CNTNAP3B: variants seen among roughly 807,000 people sequenced by gnomAD.
CNTNAP3B encodes contactin-associated protein-like 3B.
Under a neutral mutation model 108.9 loss-of-function variants are expected in CNTNAP3B, and 25 were observed. The ratio of observed to expected loss-of-function variants is 0.23; its 90% CI spans 0.17 to 0.32. CNTNAP3B has a LOEUF of 0.32. Ranked by LOEUF, CNTNAP3B falls within the 10% of genes least tolerant of loss-of-function variation. The pLI, the probability that CNTNAP3B is intolerant of heterozygous loss-of-function variation, is 1.00. For synonymous variants in CNTNAP3B, 103 were observed against 473.4 expected, an observed-to-expected ratio of 0.22 and a Z score of 10.16; for missense variants, 252 against 1,210.4, an observed-to-expected ratio of 0.21 and a Z score of 11.75.
intron 3 of CNTNAP3B, among the ~76,000 whole-genome samples, chr9:42,029,266 A>G (rs1446184994): frequency 1.9e-4 from 22 of 114,058 alleles, no homozygotes; most frequent in African/African-American, 6.9e-4. Context: ...GAGTAATTAA[A>G]CAAAAAAGTT....
intron 13 of CNTNAP3B, among the ~76,000 whole-genome samples, chr9:41,947,849 T>C (rs1300515388): frequency 1.3e-5 from 2 of 152,242 alleles, no homozygotes; most frequent in Non-Finnish European, 2.9e-5. Flanking sequence ...TCACTACAGA[T>C]GCTGGAGACA....
intron 12 of CNTNAP3B, among the ~76,000 whole-genome samples, chr9:41,960,535 T>G (rs1360906579): frequency 6.6e-6 from 1 of 152,258 alleles, no homozygotes; most frequent in Non-Finnish European, 1.5e-5. Context: ...AGATGTATTA[T>G]GAGGAGTGTA....
intron 1 of CNTNAP3B, among the ~76,000 whole-genome samples, chr9:42,106,341 A>T (rs1828089436): frequency 1.3e-5 from 1 of 79,522 alleles, no homozygotes; most frequent in Non-Finnish European, 2.5e-5. Context: ...ACAATGTCAC[A>T]TTTATACAGG....
chr9:41,930,007 T>A (rs879349391), intron 14 of CNTNAP3B, among the ~76,000 whole-genome samples: 2,722 of 151,248 alleles, frequency 0.018, no homozygotes, highest in Non-Finnish European at 0.024. Flanking sequence ...AATATCTAAG[T>A]GATTATTCTT....
In CNTNAP3B at chr9:41,894,348, G is replaced by A. The variant is rs1427310120; in HGVS notation, c.3746-238C>T. On this transcript the variant is annotated intron_variant, in intron 23 of 23. Transcript: ENST00000377561. ...TTGCTATGTTGCCCAGGCTGGTCTC[G>A]AACTCCTGGGCTAAAGTGATCCTCT... 5.4e-3 allele frequency among the ~76,000 whole-genome samples: 539 copies of A among 99,346 alleles called. 14 individuals are homozygous for A. The highest frequency in any genetic ancestry group is 6.9e-3 in the Admixed American group (67 of 9,762). The allele number at this position is 99,346 out of a possible 152,430, so 65.2% of individuals were successfully genotyped here. A position where few individuals can be genotyped will look rare whatever the true frequency, so the allele number is the denominator to read the frequency against.
intron 13 of CNTNAP3B, among the ~76,000 whole-genome samples, chr9:41,939,525 G>A (rs1331988379): frequency 6.6e-6 from 1 of 152,170 alleles, no homozygotes; most frequent in Non-Finnish European, 1.5e-5. Context: ...CGAAAAAAAG[G>A]CAATCTGGGA....
intron 1 of CNTNAP3B, among the ~76,000 whole-genome samples, chr9:42,122,739 G>A (rs1311248702): frequency 1.5e-5 from 2 of 136,752 alleles, no homozygotes; most frequent in Admixed American, 1.5e-4. Flanking sequence ...AACCCAACTG[G>A]GAGACACCTT....
intron 2 of CNTNAP3B, among the ~76,000 whole-genome samples, chr9:42,095,611 G>T (rs527868602): frequency 1.5e-5 from 2 of 137,648 alleles, no homozygotes; most frequent in Non-Finnish European, 3.1e-5. Context: ...AACTCATGAG[G>T]GAAAATGTAA....
rs531114417 is a variant in CNTNAP3B at position 41,967,171 on chromosome 9, G to A, written c.1650-2527C>T. 2.6e-5 allele frequency among the ~76,000 whole-genome samples: 4 copies of A among 151,420 alleles called. No individual in the cohort carries two copies. The East Asian group carries it at 7.7e-4, about 29-fold the overall frequency. On this transcript the variant is annotated intron_variant, in intron 10 of 23. Coordinates refer to ENST00000377561, the MANE Select transcript of CNTNAP3B (RefSeq NM_001201380.3). The stretch of plus-strand genomic sequence containing the variant: ...TTTCTACTTTGTGAGTTAGTGATAT[G>A]GTTTGGCTGTGTCCCCACCCAAATC...
chr9:42,018,456 C>A (rs970255501), intron 3 of CNTNAP3B, among the ~76,000 whole-genome samples: 1 of 140,868 alleles, frequency 7.1e-6, no homozygotes, highest in African/African-American at 2.8e-5. Flanking sequence ...TGTCTAAACA[C>A]AATAAATCAA....
chr9:41,935,618 C>T (rs1588050001), intron 14 of CNTNAP3B, among the ~76,000 whole-genome samples: 1 of 152,268 alleles, frequency 6.6e-6, no homozygotes. Context: ...TTCCCACCCC[C>T]ATACACACCC....
rs2118768710 is a variant in CNTNAP3B, at chr9:42,129,182, C to T, written c.-88G>A. On this transcript the variant is annotated 5_prime_UTR_variant, in exon 1 of 24. Transcript: ENST00000377561. ...CTCTCACTCCCGCTCTCACTCCCGT[C>T]CCCTGCGCGGCTCCGACGCTGCTCT... is the stretch of plus-strand genomic sequence containing the variant. 1.4e-6 allele frequency: 2 copies of T among 1,471,934 alleles called. No individual in the cohort carries two copies. The highest frequency in any genetic ancestry group is 2.5e-5 in the South Asian group (2 of 79,438). The allele number at this position is 1,471,934 out of a possible 1,614,324, so 91.2% of individuals were successfully genotyped here.
chr9:41,938,878 T>C (rs1233369058), intron 13 of CNTNAP3B, among the ~76,000 whole-genome samples: 2 of 152,292 alleles, frequency 1.3e-5, no homozygotes, highest in Non-Finnish European at 2.9e-5. Flanking sequence ...TGTCAGTACT[T>C]ACTAATTTTT....
chr9:42,127,270 C>T (rs1459780795), intron 1 of CNTNAP3B, among the ~76,000 whole-genome samples: 6 of 138,916 alleles, frequency 4.3e-5, no homozygotes, highest in African/African-American at 1.7e-4. Context: ...GCCCTCCCCT[C>T]CTCCAAAAAG....
chr9:41,921,289 G>A (rs1278432057), intron 17 of CNTNAP3B, among the ~76,000 whole-genome samples: 25 of 152,350 alleles, frequency 1.6e-4, no homozygotes, highest in East Asian at 5.8e-4. Context: ...TGACCCCTCC[G>A]TGTAGTCCTC....
chr9:42,012,662 G>T (rs1324907424), intron 4 of CNTNAP3B, among the ~76,000 whole-genome samples: 1 of 128,416 alleles, frequency 7.8e-6, no homozygotes, highest in Non-Finnish European at 1.6e-5. Context: ...TTATACAGGA[G>T]TATTTTTCAA....
chr9:42,108,365 A>G (rs941985729), intron 1 of CNTNAP3B, among the ~76,000 whole-genome samples: 1 of 137,950 alleles, frequency 7.2e-6, no homozygotes, highest in South Asian at 2.4e-4. Flanking sequence ...CTAGAAGATC[A>G]TGGTTGAAAA....
intron 10 of CNTNAP3B, among the ~76,000 whole-genome samples, chr9:41,969,336 G>C (rs1391360803): frequency 6.7e-6 from 1 of 149,256 alleles, no homozygotes; most frequent in Non-Finnish European, 1.5e-5. Flanking sequence ...ATGTCCTTCT[G>C]CACACATCTT....
chr9:42,102,056 G>GATAA (rs772930176), intron 2 of CNTNAP3B, among the ~76,000 whole-genome samples: 393 of 34,826 alleles, frequency 0.011, 13 homozygotes, highest in Middle Eastern at 0.019. Flanking sequence ...ACTCCATCTC[G>GATAA]ATAAATAAAT....
Sources: allele counts gnomAD v4.1 joint callset (sites outside exome capture counted in the v4.1 genomes callset), GRCh38; gene constraint gnomAD v4.1.1; transcripts MANE v1.5; gene names NCBI Gene and HGNC (gene_info 2026-07-23, HGNC 2026-07-21).